GRM8: variants seen among roughly 807,000 people sequenced by gnomAD.
GRM8 encodes metabotropic glutamate receptor 8.
A neutral mutation model predicts 87.2 loss-of-function variants in GRM8; 47 were observed. That is an observed-to-expected ratio of 0.54 (90% CI 0.43 to 0.69). The LOEUF is 0.69. Among genes scored for constraint, GRM8 ranks in the 30% least tolerant of loss-of-function variants. GRM8 has a pLI of 0.00. For missense variants in GRM8, 1,019 were observed against 1,139.2 expected, an observed-to-expected ratio of 0.89 and a Z score of 1.52; for synonymous variants, 396 against 404.5, an observed-to-expected ratio of 0.98 and a Z score of 0.25.
At chr7:126,466,219 TA>T (rs1215215421) in intron 9 of GRM8, among the ~76,000 whole-genome samples, 1 of 151,872 alleles carries the variant, frequency 6.6e-6, no homozygotes, top group Non-Finnish European at 1.5e-5. Flanking sequence ...GGTTCCATTA[TA>T]AAGAGGGTAT....
intron 9 of GRM8, among the ~76,000 whole-genome samples, chr7:126,477,473 T>C (rs1214896460): frequency 6.6e-6 from 1 of 152,002 alleles, no homozygotes; most frequent in Non-Finnish European, 1.5e-5. Context: ...TATACATGTA[T>C]GAAATCATCA....
At chr7:126,524,467 T>C (rs948498555) in intron 9 of GRM8, among the ~76,000 whole-genome samples, 3 of 152,218 alleles carry the variant, frequency 2.0e-5, no homozygotes, top group African/African-American at 7.2e-5. Context: ...TAAAAGTTCC[T>C]AGAATTTTCT....
At position 126,716,474 on chromosome 7, in the gene GRM8, G is replaced by A. The variant is rs114002613; in HGVS notation, c.1357+53391C>T. Among the ~76,000 whole-genome samples the A allele has an allele frequency of 1.7e-3, 263 of 152,130 alleles. 3 individuals carry two copies. Among genetic ancestry groups the A allele is most frequent in the Middle Eastern group, 6.8e-3 (2 of 294 alleles). The stretch of plus-strand genomic sequence containing the variant: ...TTTTCTATAACACCCTTTGCTCCCC[G>A]TGGCATCTGCCTATGTCATTCTCCT... On this transcript the variant is annotated intron_variant, in intron 7 of 10. Transcript: ENST00000339582.
At chr7:126,684,001 T>A (rs957947993) in intron 7 of GRM8, among the ~76,000 whole-genome samples, 6 of 152,232 alleles carry the variant, frequency 3.9e-5, no homozygotes, top group African/African-American at 1.4e-4. Context: ...TGTTGAATTT[T>A]TTCACTACTG....
chr7:126,828,010 A>G (rs956461726), intron 6 of GRM8, among the ~76,000 whole-genome samples: 1 of 152,228 alleles, frequency 6.6e-6, no homozygotes, highest in African/African-American at 2.4e-5. Context: ...ATGCTGGATT[A>G]CATTTGTTGA....
chr7:126,646,834 A>G (rs1803155043), intron 7 of GRM8, among the ~76,000 whole-genome samples: 1 of 152,140 alleles, frequency 6.6e-6, no homozygotes, highest in African/African-American at 2.4e-5. Flanking sequence ...ATAGCTGGTA[A>G]TACTCTTGGT....
chr7:126,902,115 A>G (rs1176272194), intron 6 of GRM8, among the ~76,000 whole-genome samples: 23 of 152,242 alleles, frequency 1.5e-4, no homozygotes, highest in Admixed American at 1.5e-3. Context: ...GCAGGATTTA[A>G]GAAAATAATA....
intron 2 of GRM8, among the ~76,000 whole-genome samples, chr7:127,173,891 C>T (rs1449822932): frequency 6.6e-6 from 1 of 152,134 alleles, no homozygotes; most frequent in Non-Finnish European, 1.5e-5. Flanking sequence ...AAACTTTGAC[C>T]ATTTGAGATT....
chr7:126,894,077 G>A (rs1801314752), intron 6 of GRM8, among the ~76,000 whole-genome samples: 1 of 152,000 alleles, frequency 6.6e-6, no homozygotes, highest in Admixed American at 6.6e-5. Flanking sequence ...TATCTGCTTT[G>A]TATCACTTTT....
chr7:127,164,244 A>G (rs553556019), intron 2 of GRM8, among the ~76,000 whole-genome samples: 1 of 152,312 alleles, frequency 6.6e-6, no homozygotes, highest in East Asian at 1.9e-4. Context: ...GAAGCTGAGC[A>G]GATGCCAGCA....
chr7:127,191,129 T>C (rs1795006929), intron 2 of GRM8, among the ~76,000 whole-genome samples: 1 of 152,208 alleles, frequency 6.6e-6, no homozygotes. Flanking sequence ...TAGATTCTGA[T>C]TCCTAGATTT....
chr7:126,589,379 A>G (rs1176522944), intron 8 of GRM8, among the ~76,000 whole-genome samples: 3 of 152,122 alleles, frequency 2.0e-5, no homozygotes, highest in Non-Finnish European at 4.4e-5. Flanking sequence ...GGCAACCTAC[A>G]TGACACAGCA....
intron 9 of GRM8, among the ~76,000 whole-genome samples, chr7:126,448,155 G>T (rs918640137): frequency 1.3e-5 from 2 of 151,804 alleles, no homozygotes; most frequent in Admixed American, 6.6e-5. Flanking sequence ...GGTAAGAAAA[G>T]AATGTGGCAA....
chr7:126,732,621 C>T (rs927854074), intron 7 of GRM8, among the ~76,000 whole-genome samples: 7 of 152,084 alleles, frequency 4.6e-5, no homozygotes, highest in African/African-American at 1.7e-4. Flanking sequence ...ATTCACTTAT[C>T]CTTATTTGTG....
intron 2 of GRM8, chr7:127,219,743 T>C (rs1293265265): frequency 2.6e-5 from 4 of 152,338 alleles, no homozygotes; most frequent in Non-Finnish European, 5.9e-5. Flanking sequence ...TGAGAGTCCA[T>C]TGCCATGCTA....
chr7:126,760,764 TAATC>T (rs952995022), intron 7 of GRM8, among the ~76,000 whole-genome samples: 33 of 152,310 alleles, frequency 2.2e-4, no homozygotes, highest in Non-Finnish European at 3.4e-4. Context: ...GATCAACAGA[TAATC>T]AATCATATTT....
At chr7:127,218,870 C>G (rs980039576) in intron 2 of GRM8, among the ~76,000 whole-genome samples, 5 of 152,222 alleles carry the variant, frequency 3.3e-5, no homozygotes, top group Admixed American at 2.6e-4. Flanking sequence ...CTTGCTGCTT[C>G]TTTTTCTTTC....
At chr7:126,919,405 G>T (rs1243524916) in intron 3 of GRM8, among the ~76,000 whole-genome samples, 1 of 152,084 alleles carries the variant, frequency 6.6e-6, no homozygotes, top group African/African-American at 2.4e-5. Flanking sequence ...ACAATAAATT[G>T]CTTTTTGAAA....
At chr7:126,958,039 A>G (rs1329509218) in intron 3 of GRM8, among the ~76,000 whole-genome samples, 1 of 152,158 alleles carries the variant, frequency 6.6e-6, no homozygotes, top group East Asian at 1.9e-4. Context: ...AACTGCAGGA[A>G]GGAGCCACCT....
Sources: allele counts gnomAD v4.1 joint callset (sites outside exome capture counted in the v4.1 genomes callset), GRCh38; gene constraint gnomAD v4.1.1; transcripts MANE v1.5; gene names NCBI Gene and HGNC (gene_info 2026-07-23, HGNC 2026-07-21).